BLTP3A: variants seen among roughly 807,000 people sequenced by gnomAD.
BLTP3A encodes the protein ICBP90 binding protein 1.
the BLTP3A span, among the ~76,000 whole-genome samples, chr6:34,861,594 T>C: frequency 6.6e-6 from 1 of 152,238 alleles, no homozygotes; most frequent in Non-Finnish European, 1.5e-5. Context: ...TCTGCATTCA[T>C]GTGTGCACTT....
chr6:34,796,978 C>T, the BLTP3A span, among the ~76,000 whole-genome samples: 1 of 152,220 alleles, frequency 6.6e-6, no homozygotes, highest in Non-Finnish European at 1.5e-5. Context: ...GCTGGGATTA[C>T]AGGCGTGAGC....
At chr6:34,838,560 T>C in the BLTP3A span, among the ~76,000 whole-genome samples, 2 of 152,198 alleles carry the variant, frequency 1.3e-5, no homozygotes, top group African/African-American at 4.8e-5. Flanking sequence ...GAAGTCAAGT[T>C]AGAGTTATTG....
the BLTP3A span, among the ~76,000 whole-genome samples, chr6:34,807,372 A>G: frequency 6.6e-6 from 1 of 152,158 alleles, no homozygotes; most frequent in South Asian, 2.1e-4. Context: ...TCTAAGTTCT[A>G]ATTCTAGAAT....
chr6:34,871,740 A>T, the BLTP3A span: 1 of 1,612,794 alleles, frequency 6.2e-7, no homozygotes, highest in Non-Finnish European at 8.5e-7. Flanking sequence ...TTTCTCCTAA[A>T]AGTGAATAGG....
chr6:34,793,135 G>T, the BLTP3A span, among the ~76,000 whole-genome samples: 1 of 152,136 alleles, frequency 6.6e-6, no homozygotes, highest in Non-Finnish European at 1.5e-5. Context: ...ATGTTATGTC[G>T]CTGAGTAATT....
chr6:34,834,328 C>T, the BLTP3A span: 2 of 1,613,960 alleles, frequency 1.2e-6, no homozygotes, highest in Non-Finnish European at 1.7e-6. Context: ...TGTGGCAGCT[C>T]CAGGGCTATA....
chr6:34,852,561 T>C, the BLTP3A span, among the ~76,000 whole-genome samples: 1 of 142,902 alleles, frequency 7.0e-6, no homozygotes, highest in Non-Finnish European at 1.5e-5. Flanking sequence ...TCTCCTCTCC[T>C]CTCCTCTCCT....
the BLTP3A span, among the ~76,000 whole-genome samples, chr6:34,802,962 G>A: frequency 6.6e-6 from 1 of 152,064 alleles, no homozygotes; most frequent in Non-Finnish European, 1.5e-5. Context: ...GATCGCTTGA[G>A]CTCAGGAGTT....
At chr6:34,834,458 G>C in the BLTP3A span, 1 of 1,597,434 alleles carries the variant, frequency 6.3e-7, no homozygotes, top group Non-Finnish European at 8.5e-7. Flanking sequence ...TTCAAAGTCA[G>C]ACTGATTCTT....
the BLTP3A span, among the ~76,000 whole-genome samples, chr6:34,792,798 A>T: frequency 6.6e-6 from 1 of 152,016 alleles, no homozygotes; most frequent in Non-Finnish European, 1.5e-5. Context: ...CGTTCTAAAT[A>T]ACCCTGCTAC....
the BLTP3A span, among the ~76,000 whole-genome samples, chr6:34,796,795 C>CG: frequency 2.6e-5 from 4 of 152,216 alleles, no homozygotes; most frequent in African/African-American, 9.7e-5. Flanking sequence ...CCTCTGCCCC[C>CG]CCGAGTTCAA....
the BLTP3A span, chr6:34,834,583 A>T: frequency 1.5e-6 from 2 of 1,369,182 alleles, no homozygotes; most frequent in Admixed American, 4.4e-5. Flanking sequence ...TGGATCCCCA[A>T]TTCACTGCTT....
At chr6:34,871,709 A>G in the BLTP3A span, 1 of 1,614,080 alleles carries the variant, frequency 6.2e-7, no homozygotes, top group Non-Finnish European at 8.5e-7. Context: ...CAGGCTTGTC[A>G]GCCTGTTGGT....
At chr6:34,848,739 G>A in the BLTP3A span, among the ~76,000 whole-genome samples, 2 of 152,076 alleles carry the variant, frequency 1.3e-5, no homozygotes, top group African/African-American at 2.4e-5. Flanking sequence ...GTAGAGAACA[G>A]ATCACTGGGT....
the BLTP3A span, among the ~76,000 whole-genome samples, chr6:34,848,628 C>T: frequency 1.3e-5 from 2 of 151,464 alleles, no homozygotes; most frequent in East Asian, 1.9e-4. Flanking sequence ...AAATACATAG[C>T]TATTCCGTCT....
the BLTP3A span, chr6:34,834,409 G>A: frequency 6.2e-7 from 1 of 1,612,640 alleles, no homozygotes; most frequent in Non-Finnish European, 8.5e-7. Flanking sequence ...GAGGAGAGGT[G>A]ACAGCCCCAT....
At chr6:34,875,602 C>G in the BLTP3A span, 1 of 152,100 alleles carries the variant, frequency 6.6e-6, no homozygotes, top group South Asian at 2.1e-4. Flanking sequence ...AGTTAGGTCT[C>G]TGGGCTCTCT....
the BLTP3A span, chr6:34,871,894 TG>T: frequency 6.2e-7 from 1 of 1,614,214 alleles, no homozygotes; most frequent in Non-Finnish European, 8.5e-7. Flanking sequence ...CAGGTGTTTT[TG>T]GTGCCCACAG....
the BLTP3A span, among the ~76,000 whole-genome samples, chr6:34,831,113 T>TA: frequency 2.0e-5 from 3 of 150,570 alleles, no homozygotes; most frequent in South Asian, 4.2e-4. Context: ...AATACCAAGA[T>TA]ACTGATCACT....
Sources: allele counts gnomAD v4.1 joint callset (sites outside exome capture counted in the v4.1 genomes callset), GRCh38; gene constraint gnomAD v4.1.1; transcripts MANE v1.5; gene names NCBI Gene and HGNC (gene_info 2026-07-23, HGNC 2026-07-21).